The following BCKDHB variants were observed in gnomAD, a reference collection of about 807,000 sequenced individuals.
BCKDHB encodes 2-oxoisovalerate dehydrogenase subunit beta, mitochondrial.
BCKDHB carries 41 observed loss-of-function variants against 48.5 expected under a neutral mutation model. The observed-to-expected ratio is 0.85, with a 90% CI of 0.66 to 1.10. The LOEUF (loss-of-function observed/expected upper bound fraction) is 1.10, where lower values mean the gene tolerates loss of function less well. BCKDHB is among the 50% of genes least tolerant of loss of function. The pLI is 0.00. For synonymous variants in BCKDHB, 201 were observed against 174.8 expected (o/e 1.15, Z -1.18); for missense variants, 496 against 494.2 (o/e 1.00, Z -0.03).
chr6:80,458,861 C>A, the BCKDHB span, among the ~76,000 whole-genome samples: 1 of 151,938 alleles, frequency 6.6e-6, no homozygotes, highest in Non-Finnish European at 1.5e-5. Context: ...CTGTCATGAA[C>A]AAAACTAAGC....
downstream of BCKDHB, among the ~76,000 whole-genome samples, chr6:80,349,076 A>G (rs1770321589): frequency 1.3e-5 from 2 of 152,222 alleles, no homozygotes; most frequent in Admixed American, 1.3e-4. Context: ...CAAAAATAAG[A>G]AAATAGTGAT....
chr6:80,248,644 G>A (rs1776710408), intron 8 of BCKDHB, among the ~76,000 whole-genome samples: 1 of 152,134 alleles, frequency 6.6e-6, no homozygotes, highest in African/African-American at 2.4e-5. Flanking sequence ...GAGAGTTGGG[G>A]CAGAATGAGT....
At chr6:80,447,502 T>TAA in the BCKDHB span, among the ~76,000 whole-genome samples, 8 of 150,484 alleles carry the variant, frequency 5.3e-5, no homozygotes, top group East Asian at 9.7e-4. Flanking sequence ...TATATATATA[T>TAA]AACCACAATG....
chr6:80,123,237 A>G (rs1184846296), intron 1 of BCKDHB, among the ~76,000 whole-genome samples: 1 of 152,168 alleles, frequency 6.6e-6, no homozygotes. Flanking sequence ...TTTTACAATC[A>G]ATTTGTACAG....
At chr6:80,389,818 C>T in the BCKDHB span, among the ~76,000 whole-genome samples, 2 of 152,048 alleles carry the variant, frequency 1.3e-5, no homozygotes, top group Non-Finnish European at 2.9e-5. Context: ...GAATCAGCAA[C>T]CAATATATAG....
At chr6:80,113,926 C>T (rs1769547618) in intron 1 of BCKDHB, among the ~76,000 whole-genome samples, 1 of 152,116 alleles carries the variant, frequency 6.6e-6, no homozygotes, top group South Asian at 2.1e-4. Context: ...CATTCAGAGG[C>T]TGAAGTGAAG....
At chr6:80,321,468 C>A (rs1266114737) in intron 9 of BCKDHB, among the ~76,000 whole-genome samples, 3 of 152,126 alleles carry the variant, frequency 2.0e-5, no homozygotes, top group Non-Finnish European at 4.4e-5. Context: ...TGGACATTGA[C>A]AAGTTGCCAT....
intron 9 of BCKDHB, among the ~76,000 whole-genome samples, chr6:80,298,837 G>A (rs555515148): frequency 6.6e-6 from 1 of 152,186 alleles, no homozygotes. Flanking sequence ...TGAATCAGAA[G>A]TTCAGTCTGC....
chr6:80,188,763 A>G (rs916888688), intron 6 of BCKDHB, among the ~76,000 whole-genome samples: 2 of 152,216 alleles, frequency 1.3e-5, no homozygotes, highest in South Asian at 4.1e-4. Context: ...CCTATATGGC[A>G]AACCTGCACA....
At chr6:80,366,590 T>C in the BCKDHB span, among the ~76,000 whole-genome samples, 1 of 152,204 alleles carries the variant, frequency 6.6e-6, no homozygotes, top group African/African-American at 2.4e-5. Flanking sequence ...GTTCTCACTT[T>C]TATTATGCCA....
intron 6 of BCKDHB, among the ~76,000 whole-genome samples, chr6:80,176,851 T>C (rs1484915358): frequency 6.6e-6 from 1 of 152,154 alleles, no homozygotes; most frequent in South Asian, 2.1e-4. Flanking sequence ...GAGTAAAAGA[T>C]AGAATCCCTT....
At chr6:80,204,926 A>G (rs1774571048) in intron 8 of BCKDHB, among the ~76,000 whole-genome samples, 1 of 151,908 alleles carries the variant, frequency 6.6e-6, no homozygotes, top group African/African-American at 2.4e-5. Flanking sequence ...CCTACTGGGA[A>G]AGATGAAAGA....
intron 9 of BCKDHB, among the ~76,000 whole-genome samples, chr6:80,319,829 T>C (rs1768625458): frequency 6.6e-6 from 1 of 152,186 alleles, no homozygotes; most frequent in Non-Finnish European, 1.5e-5. Flanking sequence ...AAAAGTGAAG[T>C]TCAAAGTAGC....
chr6:80,442,486 A>T, the BCKDHB span, among the ~76,000 whole-genome samples: 1 of 152,208 alleles, frequency 6.6e-6, no homozygotes, highest in African/African-American at 2.4e-5. Flanking sequence ...ATATATATCA[A>T]CTGTATAGTT....
chr6:80,121,722 A>C (rs184808604), intron 1 of BCKDHB, among the ~76,000 whole-genome samples: 1 of 152,188 alleles, frequency 6.6e-6, no homozygotes, highest in East Asian at 1.9e-4. Context: ...GAAACTTTGC[A>C]GAATTTGCTT....
chr6:80,327,546 G>A (rs1199898390), intron 9 of BCKDHB, among the ~76,000 whole-genome samples: 1 of 152,194 alleles, frequency 6.6e-6, no homozygotes, highest in Admixed American at 6.5e-5. Context: ...AGGCTGGGAA[G>A]GTCTCAGGAA....
chr6:80,185,435 T>G (rs558394136), intron 6 of BCKDHB, among the ~76,000 whole-genome samples: 1 of 152,318 alleles, frequency 6.6e-6, no homozygotes, highest in African/African-American at 2.4e-5. Flanking sequence ...CAGGGATTTT[T>G]TTCTTCGTTT....
intron 8 of BCKDHB, among the ~76,000 whole-genome samples, chr6:80,241,898 TG>T (rs1263945792): frequency 1.3e-5 from 2 of 152,168 alleles, no homozygotes; most frequent in African/African-American, 4.8e-5. Flanking sequence ...ACTTTTCTAT[TG>T]GGGGAAAATT....
intron 3 of BCKDHB, among the ~76,000 whole-genome samples, chr6:80,142,414 T>A (rs886803269): frequency 6.6e-6 from 1 of 152,096 alleles, no homozygotes; most frequent in Non-Finnish European, 1.5e-5. Flanking sequence ...TAGGTATAGC[T>A]GACCCATACG....
Sources: allele counts gnomAD v4.1 joint callset (sites outside exome capture counted in the v4.1 genomes callset), GRCh38; gene constraint gnomAD v4.1.1; transcripts MANE v1.5; gene names NCBI Gene and HGNC (gene_info 2026-07-23, HGNC 2026-07-21).